Variants in LHFPL6 observed in about 807,000 individuals in gnomAD.
LHFPL6 encodes LHFPL tetraspan subfamily member 6, also known as LHFPL tetraspan subfamily member 6 protein.
Under a neutral mutation model 20.6 loss-of-function variants are expected in LHFPL6, and 9 were observed. The ratio of observed to expected loss-of-function variants is 0.44; its 90% CI spans 0.26 to 0.76. The LOEUF (loss-of-function observed/expected upper bound fraction) is 0.76, where lower values mean the gene tolerates loss of function less well. Among genes scored for constraint, LHFPL6 ranks in the 30% least tolerant of loss-of-function variants. The pLI is 0.20. For synonymous variants in LHFPL6, 105 were observed against 98.7 expected (o/e 1.06, Z -0.38); for missense variants, 218 against 253.5 (o/e 0.86, Z 0.95).
chr13:39,411,469 C>T (rs769205792), intron 2 of LHFPL6, among the ~76,000 whole-genome samples: 3 of 152,114 alleles, frequency 2.0e-5, no homozygotes, highest in Non-Finnish European at 4.4e-5. Context: ...AACTTGATTC[C>T]AAAATAGTGG....
chr13:39,437,897 G>A lies in LHFPL6; in HGVS notation c.386-59371C>T, dbSNP rs550289267. On this transcript the variant is annotated intron_variant, in intron 2 of 3. Transcript: ENST00000379589. ...AGCCTGGGTGACAGAGCGAGACTCCGTCTCAAAAAAAAAAAAAAGGATTAA... is the reference window on the plus strand; with the variant it reads ...AGCCTGGGTGACAGAGCGAGACTCCATCTCAAAAAAAAAAAAAAGGATTAA... Among the ~76,000 whole-genome samples the A allele has an allele frequency of 7.3e-4, 56 of 77,026 alleles. 1 individual carries two copies. Among genetic ancestry groups the A allele is most frequent in the East Asian group, 4.0e-3 (13 of 3,280 alleles). The allele number at this position is 77,026 out of a possible 152,430, so 50.5% of individuals were successfully genotyped here. A position where few individuals can be genotyped will look rare whatever the true frequency, so the allele number is the denominator to read the frequency against.
intron 2 of LHFPL6, among the ~76,000 whole-genome samples, chr13:39,468,336 C>G (rs1356298232): frequency 6.6e-6 from 1 of 152,062 alleles, no homozygotes; most frequent in Non-Finnish European, 1.5e-5. Flanking sequence ...CCCTTTATAG[C>G]TGTTTTGGAG....
chr13:39,446,568 C>T (rs749486640), intron 2 of LHFPL6, among the ~76,000 whole-genome samples: 2 of 152,016 alleles, frequency 1.3e-5, no homozygotes, highest in African/African-American at 2.4e-5. Flanking sequence ...CGTGTCCCAA[C>T]TGTGTACCAC....
chr13:39,511,074 T>G (rs1172441092), intron 2 of LHFPL6, among the ~76,000 whole-genome samples: 1 of 152,106 alleles, frequency 6.6e-6, no homozygotes. Context: ...AGTTTCACCA[T>G]GTTGGCCAGG....
At chr13:39,500,208 T>C (rs1230754886) in intron 2 of LHFPL6, among the ~76,000 whole-genome samples, 2 of 152,000 alleles carry the variant, frequency 1.3e-5, no homozygotes, top group Non-Finnish European at 2.9e-5. Context: ...TTTTTTTTGT[T>C]TGTTTTATTT....
At chr13:39,515,687 G>C (rs1425908702) in intron 2 of LHFPL6, among the ~76,000 whole-genome samples, 2 of 152,116 alleles carry the variant, frequency 1.3e-5, no homozygotes, top group African/African-American at 4.8e-5. Context: ...TGATTAACTG[G>C]CTCGCTGATT....
chr13:39,375,597 A>G (rs1366631559), intron 3 of LHFPL6, among the ~76,000 whole-genome samples: 1 of 152,022 alleles, frequency 6.6e-6, no homozygotes, highest in Non-Finnish European at 1.5e-5. Flanking sequence ...AGGCTGAGGC[A>G]CGAGAATCGC....
intron 2 of LHFPL6, among the ~76,000 whole-genome samples, chr13:39,447,782 AT>A (rs989329252): frequency 2.0e-5 from 3 of 152,190 alleles, no homozygotes; most frequent in African/African-American, 4.8e-5. Context: ...CTAGTATAGT[AT>A]TTGGGCCATT....
At chr13:39,527,209 G>A (rs1870317504) in intron 2 of LHFPL6, among the ~76,000 whole-genome samples, 1 of 152,222 alleles carries the variant, frequency 6.6e-6, no homozygotes, top group South Asian at 2.1e-4. Flanking sequence ...ACTGAATGAT[G>A]ACTGTAAGAT....
chr13:39,472,094 C>T (rs1401351473), intron 2 of LHFPL6, among the ~76,000 whole-genome samples: 1 of 152,214 alleles, frequency 6.6e-6, no homozygotes, highest in African/African-American at 2.4e-5. Flanking sequence ...ATTTTCACCT[C>T]CTCTAGCGCT....
At chr13:39,388,247 TC>T (rs1870618491) in intron 2 of LHFPL6, among the ~76,000 whole-genome samples, 1 of 152,216 alleles carries the variant, frequency 6.6e-6, no homozygotes, top group Non-Finnish European at 1.5e-5. Context: ...GCCTTGATTC[TC>T]ATTCTTCTTT....
chr13:39,508,423 A>G (rs1335247903), intron 2 of LHFPL6, among the ~76,000 whole-genome samples: 1 of 152,226 alleles, frequency 6.6e-6, no homozygotes, highest in Non-Finnish European at 1.5e-5. Flanking sequence ...TAAGATAATA[A>G]GTATATCTAT....
chr13:39,492,777 T>C (rs1244157210), intron 2 of LHFPL6, among the ~76,000 whole-genome samples: 1 of 152,000 alleles, frequency 6.6e-6, no homozygotes, highest in African/African-American at 2.4e-5. Context: ...GCCTCCTGGG[T>C]TCAAGTGATT....
At chr13:39,433,942 G>C (rs1871884604) in intron 2 of LHFPL6, among the ~76,000 whole-genome samples, 1 of 152,206 alleles carries the variant, frequency 6.6e-6, no homozygotes, top group Admixed American at 6.5e-5. Context: ...TGTTTCCCTG[G>C]CTCTCTGGGA....
intron 2 of LHFPL6, among the ~76,000 whole-genome samples, chr13:39,387,721 C>G (rs918817107): frequency 1.1e-4 from 16 of 152,120 alleles, no homozygotes; most frequent in Non-Finnish European, 2.4e-4. Flanking sequence ...TTCTCCAATG[C>G]CTCCCAAATC....
At chr13:39,557,713 T>C (rs554721511) in intron 2 of LHFPL6, among the ~76,000 whole-genome samples, 2 of 152,364 alleles carry the variant, frequency 1.3e-5, no homozygotes, top group Non-Finnish European at 2.9e-5. Context: ...ATCCCCAGTG[T>C]TGGAGATGAG....
intron 2 of LHFPL6, among the ~76,000 whole-genome samples, chr13:39,416,073 T>G (rs1871340531): frequency 6.6e-6 from 1 of 152,176 alleles, no homozygotes; most frequent in Non-Finnish European, 1.5e-5. Flanking sequence ...GGGTAACGAC[T>G]GAAGTTAGAG....
At chr13:39,559,608 C>T (rs1274707833) in intron 2 of LHFPL6, among the ~76,000 whole-genome samples, 1 of 152,112 alleles carries the variant, frequency 6.6e-6, no homozygotes, top group African/African-American at 2.4e-5. Context: ...AACGATGTGC[C>T]TCTGCTCCAG....
intron 2 of LHFPL6, among the ~76,000 whole-genome samples, chr13:39,502,498 G>GT: frequency 6.6e-6 from 1 of 151,516 alleles, no homozygotes; most frequent in African/African-American, 2.4e-5. Flanking sequence ...TGGCGCGCCT[G>GT]TGGTTCCAGC....
Sources: gnomAD v4.1 joint callset for allele counts (sites outside exome capture counted in the v4.1 genomes callset) on GRCh38, gnomAD v4.1.1 for gene constraint, MANE v1.5 for transcripts, NCBI Gene and HGNC (gene_info 2026-07-23, HGNC 2026-07-21) for gene names.